Variants in NIPBL observed in about 807,000 individuals in gnomAD.
The protein encoded by NIPBL is nipped-B-like protein.
In NIPBL, 19 loss-of-function variants were observed where a neutral mutation model predicts 321.8. That is an observed-to-expected ratio of 0.06 (90% CI 0.04 to 0.09). NIPBL has a LOEUF of 0.09. Ranked by LOEUF, NIPBL falls within the 10% of genes least tolerant of loss-of-function variation. The pLI, the probability that NIPBL is intolerant of heterozygous loss-of-function variation, is 1.00. For missense variants in NIPBL, 2,210 were observed against 3,327.0 expected (o/e 0.66, Z 8.26); for synonymous variants, 1,106 against 1,114.1 (o/e 0.99, Z 0.14).
At chr5:37,021,870 T>G (rs536866273) in intron 27 of NIPBL, among the ~76,000 whole-genome samples, 181 bp from the exon 28 acceptor site, 17 of 152,352 alleles carry the variant, frequency 1.1e-4, no homozygotes, top group African/African-American at 4.1e-4. Flanking sequence ...ACTATACACT[T>G]AACACCTGTA....
chr5:36,970,387 AT>A (rs1272775109), intron 6 of NIPBL, among the ~76,000 whole-genome samples: 2 of 144,506 alleles, frequency 1.4e-5, no homozygotes, highest in East Asian at 2.0e-4. Flanking sequence ...TGTAAAAAAA[AT>A]AAATAAATAA....
chr5:37,038,529 T>G, intron 33 of NIPBL, 73 bp from the exon 34 acceptor site: 1 of 1,389,456 alleles, frequency 7.2e-7, no homozygotes, highest in East Asian at 2.4e-5. Flanking sequence ...ATTAAGTAAT[T>G]TAAATAATAT....
At chr5:37,063,185 A>C (rs1056510178) in intron 45 of NIPBL, among the ~76,000 whole-genome samples, 11 of 152,162 alleles carry the variant, frequency 7.2e-5, no homozygotes, top group Admixed American at 7.2e-4. Context: ...TTTTTCTTAA[A>C]AAAATTTTTA....
At chr5:36,987,188 T>C (rs1184113087) in intron 10 of NIPBL, among the ~76,000 whole-genome samples, 2 of 152,166 alleles carry the variant, frequency 1.3e-5, no homozygotes, top group Non-Finnish European at 1.5e-5. Flanking sequence ...ACAGTCTAAA[T>C]ATACTGAGGT....
chr5:36,906,223 CTAATATG>C (rs1747625399), intron 1 of NIPBL, among the ~76,000 whole-genome samples: 1 of 151,922 alleles, frequency 6.6e-6, no homozygotes, highest in Admixed American at 6.6e-5. Context: ...TCTAATATAG[CTAATATG>C]TAATATGTAG....
intron 16 of NIPBL, among the ~76,000 whole-genome samples, chr5:37,005,857 A>G (rs1327028281): frequency 2.6e-5 from 4 of 152,262 alleles, no homozygotes; most frequent in African/African-American, 7.2e-5. Context: ...GCATATTACT[A>G]CTTTTTAATC....
chr5:36,897,482 C>G (rs1410330013), intron 1 of NIPBL, among the ~76,000 whole-genome samples: 1 of 152,132 alleles, frequency 6.6e-6, no homozygotes, highest in East Asian at 1.9e-4. Flanking sequence ...GTGCCCTCCT[C>G]CAGTTTTCCA....
At chr5:37,064,282 G>C in intron 46 of NIPBL, 2 of 1,363,538 alleles carry the variant, frequency 1.5e-6, no homozygotes, top group Non-Finnish European at 1.9e-6. Flanking sequence ...TGGTTCATAT[G>C]TATATATAAT....
At chr5:36,931,030 C>T (rs1749736351) in intron 1 of NIPBL, among the ~76,000 whole-genome samples, 1 of 152,048 alleles carries the variant, frequency 6.6e-6, no homozygotes, top group Admixed American at 6.6e-5. Context: ...TTTGGTGATA[C>T]CAGACTCAGC....
At chr5:36,922,181 C>T (rs1355266333) in intron 1 of NIPBL, among the ~76,000 whole-genome samples, 1 of 152,076 alleles carries the variant, frequency 6.6e-6, no homozygotes, top group Admixed American at 6.6e-5. Context: ...AGCGACAGCA[C>T]CTGGCCCCTT....
chr5:36,898,728 C>G (rs1746975667), intron 1 of NIPBL, among the ~76,000 whole-genome samples: 1 of 152,082 alleles, frequency 6.6e-6, no homozygotes, highest in Non-Finnish European at 1.5e-5. Flanking sequence ...TCAGGCTGGT[C>G]TCGAACTCCC....
At chr5:36,901,700 G>A (rs1209632640) in intron 1 of NIPBL, among the ~76,000 whole-genome samples, 3 of 151,814 alleles carry the variant, frequency 2.0e-5, no homozygotes, top group Admixed American at 6.6e-5. Flanking sequence ...GTAGAGAGGG[G>A]GTTTCCCCAT....
intron 1 of NIPBL, among the ~76,000 whole-genome samples, chr5:36,951,422 A>G (rs1384046573): frequency 2.6e-5 from 4 of 152,186 alleles, no homozygotes; most frequent in Non-Finnish European, 4.4e-5. Context: ...ATGGCAGTGT[A>G]CGTGTACAAC....
At chr5:37,001,228 C>T in intron 14 of NIPBL, 150 bp downstream of exon 14, 1 of 634,924 alleles carries the variant, frequency 1.6e-6, no homozygotes. Context: ...GATAAACTTT[C>T]TAGTCTGTTA....
At chr5:36,958,386 G>C (rs1172600826) in intron 4 of NIPBL, among the ~76,000 whole-genome samples, 155 bp downstream of exon 4, 1 of 152,144 alleles carries the variant, frequency 6.6e-6, no homozygotes, top group Non-Finnish European at 1.5e-5. Context: ...TAAGATTCTT[G>C]TAGTTTAATA....
chr5:37,052,137 G>A (rs1199721590), intron 41 of NIPBL, among the ~76,000 whole-genome samples: 6 of 152,028 alleles, frequency 3.9e-5, no homozygotes, highest in African/African-American at 1.4e-4. Context: ...CTTACTATGT[G>A]AACTTGGCTG....
intron 6 of NIPBL, among the ~76,000 whole-genome samples, chr5:36,968,592 G>A (rs546359809): frequency 1.3e-5 from 2 of 152,128 alleles, no homozygotes; most frequent in East Asian, 3.9e-4. Flanking sequence ...TGGGTGTGAT[G>A]GTGCACATCT....
chr5:37,014,629 A>G, intron 21 of NIPBL, 54 bp from the exon 22 acceptor site: 1 of 1,040,430 alleles, frequency 9.6e-7, no homozygotes, highest in East Asian at 2.4e-5. Context: ...CAATAGCAAC[A>G]GGGCTAACTT....
intron 38 of NIPBL, among the ~76,000 whole-genome samples, chr5:37,046,906 A>G (rs1388864979): frequency 6.6e-6 from 1 of 152,156 alleles, no homozygotes; most frequent in Non-Finnish European, 1.5e-5. Flanking sequence ...TTTTTGGTAC[A>G]AATACAGTTG....
Sources: gnomAD v4.1 joint callset for allele counts (sites outside exome capture counted in the v4.1 genomes callset) on GRCh38, gnomAD v4.1.1 for gene constraint, MANE v1.5 for transcripts, NCBI Gene and HGNC (gene_info 2026-07-23, HGNC 2026-07-21) for gene names.